Variants in ABCC2 observed in about 807,000 individuals in gnomAD.
The protein encoded by ABCC2 is ATP-binding cassette sub-family C member 2.
ABCC2 carries 157 observed loss-of-function variants against 173.4 expected under a neutral mutation model. That is an observed-to-expected ratio of 0.91 (90% CI 0.80 to 1.03). ABCC2 has a LOEUF of 1.03. Ranked by LOEUF, ABCC2 falls within the 50% of genes least tolerant of loss-of-function variation. ABCC2 has a pLI of 0.00. For synonymous variants in ABCC2, 657 were observed against 693.5 expected (o/e 0.95, Z 0.83); for missense variants, 1,822 against 1,852.3 (o/e 0.98, Z 0.30).
At chr10:99,786,619 C>T (rs561719497) in intron 2 of ABCC2, among the ~76,000 whole-genome samples, 2 of 152,358 alleles carry the variant, frequency 1.3e-5, no homozygotes, top group East Asian at 3.9e-4. Flanking sequence ...GTAATCCCAA[C>T]ACTTTGGGAG....
chr10:99,851,981 T>C lies in ABCC2; in HGVS notation c.*350T>C. 4.7e-6 allele frequency: 1 copy of C among 212,072 alleles called. No homozygotes were observed. The highest frequency in any genetic ancestry group is 9.5e-6 in the Non-Finnish European group (1 of 105,190). 13.1% of individuals were successfully genotyped at this position (212,072 alleles called of 1,614,324 possible). A position where few individuals can be genotyped will look rare whatever the true frequency, so the allele number is the denominator to read the frequency against. On this transcript the variant is annotated 3_prime_UTR_variant, in exon 32 of 32. Coordinates refer to ENST00000647814, the MANE Select transcript of ABCC2 (RefSeq NM_000392.5). ...CCCTTTTTTACTTATGTAAATGGACTGACTCATACTGCATACATCTTCTAT... is the reference window on the plus strand; with the variant it reads ...CCCTTTTTTACTTATGTAAATGGACCGACTCATACTGCATACATCTTCTAT...
At position 99,830,288 on chromosome 10, in the gene ABCC2, C is replaced by A. The variant is rs376776235; in HGVS notation, c.2621-19C>A. ...GGATCTATGCAGCTCTTTCCCTAAC[C>A]TCTACTGTGTCTCCCTAGTCCATGA... On this transcript the variant is annotated intron_variant, in intron 19 of 31. Transcript: ENST00000647814. The A allele has an allele frequency of 4.1e-5, 66 of 1,613,976 alleles. No individual in the cohort carries two copies. Among genetic ancestry groups the A allele is most frequent in the Non-Finnish European group, 5.5e-5 (65 of 1,179,988 alleles).
chr10:99,834,263 C>T, intron 23 of ABCC2, 117 bp from the exon 24 acceptor site: 1 of 1,020,204 alleles, frequency 9.8e-7, no homozygotes, highest in South Asian at 1.4e-5. Flanking sequence ...GAAATGATTA[C>T]ATGAAGGAGT....
At chr10:99,850,256 T>C (rs2039070044) in intron 30 of ABCC2, among the ~76,000 whole-genome samples, 1 of 152,192 alleles carries the variant, frequency 6.6e-6, no homozygotes, top group South Asian at 2.1e-4. Context: ...ATACAAAGCA[T>C]GGTTCCTGGG....
At chr10:99,828,354 G>A (rs1426447340) in intron 19 of ABCC2, among the ~76,000 whole-genome samples, 3 of 152,124 alleles carry the variant, frequency 2.0e-5, no homozygotes, top group Non-Finnish European at 4.4e-5. Flanking sequence ...GAGAAGGGCA[G>A]GAGGGCAAGG....
At chr10:99,841,666 G>GTA (rs1423717465) in intron 25 of ABCC2, among the ~76,000 whole-genome samples, 2 of 152,214 alleles carry the variant, frequency 1.3e-5, no homozygotes, top group Non-Finnish European at 2.9e-5. Context: ...TTGTAACATT[G>GTA]TATATTAACA....
chr10:99,845,556 C>T, intron 28 of ABCC2, 68 bp from the exon 29 acceptor site: 1 of 1,585,554 alleles, frequency 6.3e-7, no homozygotes, highest in Non-Finnish European at 8.7e-7. Context: ...ACTGTGAATG[C>T]CCAGGCTAAA....
At chr10:99,850,868 A>T in intron 31 of ABCC2, 72 bp downstream of exon 31, 1 of 1,543,650 alleles carries the variant, frequency 6.5e-7, no homozygotes, top group East Asian at 2.2e-5. Context: ...TCAGCCGGGA[A>T]ACACCTGATG....
Position 99,797,086 on chromosome 10 carries a change from T to C in ABCC2, c.633-11T>C, listed in dbSNP as rs1484506554. Reference sequence around the variant, plus strand: ...CTGGGGGTCTCAGCCTGTGGTTCGCTCTTGTTCCAGCATCATTCTGAAAGG... The same window carrying C: ...CTGGGGGTCTCAGCCTGTGGTTCGCCCTTGTTCCAGCATCATTCTGAAAGG... On this transcript the variant is annotated splice_polypyrimidine_tract_variant and intron_variant, in intron 6 of 31. Coordinates refer to ENST00000647814, the MANE Select transcript of ABCC2 (RefSeq NM_000392.5). 2 of 1,613,662 alleles carry C rather than the reference T, an allele frequency of 1.2e-6. No homozygotes were observed. The highest frequency in any genetic ancestry group is 1.7e-6 in the Non-Finnish European group (2 of 1,179,698).
rs17216317 is a variant in ABCC2, at chr10:99,844,350, C to T, written c.3872C>T (p.Pro1291Leu). 3,573 of 1,614,190 alleles carry T rather than the reference C, an allele frequency of 2.2e-3. 50 individuals are homozygous for T. The African/African-American group carries it at 0.035, about 16-fold the overall frequency. Reference protein sequence around the residue: ...EAPWVTDKRPPPDWPSKGKIQ... With the variant: ...EAPWVTDKRPLPDWPSKGKIQ... ...CCCTGGGTGACTGATAAGAGGCCTC[C>T]GCCAGATTGGCCCAGCAAAGGCAAG... Residue 1291 changes from proline (P) to leucine (L), a missense_variant, in exon 28 of 32, where the codon CCG (proline) becomes CTG (leucine). Physicochemically the swap from Pro to Leu is moderately conservative, Grantham distance 98. Coordinates refer to ENST00000647814, the MANE Select transcript of ABCC2 (RefSeq NM_000392.5).
chr10:99,847,083 A>C lies in ABCC2; in HGVS notation c.4269A>C (p.Gln1423His). 6.2e-7 allele frequency: 1 copy of C among 1,614,150 alleles called. No homozygotes were observed. Among genetic ancestry groups the C allele is most frequent in the Non-Finnish European group, 8.5e-7 (1 of 1,180,022 alleles). The change falls in exon 30 of 32, where the codon CAA becomes CAC. Residue 1423 changes from glutamine to histidine, a missense_variant. Gln to His is a conservative substitution (Grantham distance 24). Coordinates refer to ENST00000647814, the MANE Select transcript of ABCC2 (RefSeq NM_000392.5). ...TCAAGTCTTTTGTGGCCAGCCTGCA[A>C]CTTGGGTTATCCCACGAAGTGACAG... ...AHLKSFVASL[Q>H]LGLSHEVTEA...
At chr10:99,797,048 C>T (rs2037926760) in intron 6 of ABCC2, 49 bp from the exon 7 acceptor site, 1 of 1,543,228 alleles carries the variant, frequency 6.5e-7, no homozygotes, top group Non-Finnish European at 8.9e-7. Context: ...GTGGAGATAG[C>T]CTCTGACCCA....
At chr10:99,813,487 A>C (rs2038253070) in intron 16 of ABCC2, among the ~76,000 whole-genome samples, 1 of 152,166 alleles carries the variant, frequency 6.6e-6, no homozygotes, top group Non-Finnish European at 1.5e-5. Context: ...AGGCCGAGGC[A>C]GGCAGATCAC....
chr10:99,800,683 G>A, intron 9 of ABCC2, 120 bp downstream of exon 9: 3 of 1,135,840 alleles, frequency 2.6e-6, no homozygotes, highest in Non-Finnish European at 3.9e-6. Flanking sequence ...AATGTTGACT[G>A]GCCATACAGC....
At chr10:99,844,537 G>A (rs911063421) in intron 28 of ABCC2, 72 bp downstream of exon 28, 9 of 1,586,954 alleles carry the variant, frequency 5.7e-6, no homozygotes, top group Middle Eastern at 1.8e-4. Context: ...GTGGAGAGCA[G>A]CTGGGCCCTA....
intron 30 of ABCC2, among the ~76,000 whole-genome samples, chr10:99,850,235 A>G (rs2133157563): frequency 6.6e-6 from 1 of 152,346 alleles, no homozygotes; most frequent in Non-Finnish European, 1.5e-5. Context: ...TGTTGATGTC[A>G]CGGCAACCAA....
chr10:99,811,979 G>A (rs2038224278), intron 15 of ABCC2, among the ~76,000 whole-genome samples: 1 of 152,218 alleles, frequency 6.6e-6, no homozygotes, highest in Admixed American at 6.5e-5. Flanking sequence ...TTCAAGAATA[G>A]CAATCAGGAA....
chr10:99,837,028 T>C (rs1232467689), intron 25 of ABCC2, among the ~76,000 whole-genome samples: 1 of 152,264 alleles, frequency 6.6e-6, no homozygotes, highest in Non-Finnish European at 1.5e-5. Context: ...GGAAAAGGCA[T>C]ATAAGTAAAT....
At position 99,782,761 on chromosome 10, in the gene ABCC2, A is replaced by C; in HGVS notation, c.-84A>C. ...CAGAATGGTAGATAATTCCTGTTCCACTTTCTTTGATGAAACAAGTAAAGA... is the reference window on the plus strand; with the variant it reads ...CAGAATGGTAGATAATTCCTGTTCCCCTTTCTTTGATGAAACAAGTAAAGA... On this transcript the variant is annotated 5_prime_UTR_variant, in exon 1 of 32. Transcript: ENST00000647814. The C allele has an allele frequency of 6.8e-7, 1 of 1,461,556 alleles. No homozygotes were observed. The highest frequency in any genetic ancestry group is 2.3e-5 in the East Asian group (1 of 44,084). The allele number at this position is 1,461,556 out of a possible 1,614,324, so 90.5% of individuals were successfully genotyped here.
Sources: gnomAD v4.1 joint callset for allele counts (sites outside exome capture counted in the v4.1 genomes callset) on GRCh38, gnomAD v4.1.1 for gene constraint, MANE v1.5 for transcripts, NCBI Gene and HGNC (gene_info 2026-07-23, HGNC 2026-07-21) for gene names.